The following ARHGAP20 variants were observed in gnomAD, a reference collection of about 807,000 sequenced individuals.
ARHGAP20 encodes the protein rho GTPase-activating protein 20.
In ARHGAP20, 34 loss-of-function variants were observed where a neutral mutation model predicts 73.7. The ratio of observed to expected loss-of-function variants is 0.46; its 90% CI spans 0.35 to 0.61. The LOEUF is 0.61. ARHGAP20 is among the 20% of genes least tolerant of loss of function. The pLI, the probability that ARHGAP20 is intolerant of heterozygous loss-of-function variation, is 0.00. For synonymous variants in ARHGAP20, 523 were observed against 518.2 expected (o/e 1.01, Z -0.13); for missense variants, 1,314 against 1,420.9 (o/e 0.92, Z 1.21).
Position 110,606,702 on chromosome 11 carries a change from C to A in ARHGAP20, c.823G>T (p.Ala275Ser). The change falls in exon 9 of 15, where the codon GCA becomes TCA. Residue 275 changes from alanine (A) to serine (S), a missense_variant. Physicochemically the swap from Ala to Ser is moderately conservative, Grantham distance 99 (BLOSUM62 1). This residue lies in a region of ARHGAP20 where 443 missense variants were observed against 466.4 expected (regional missense o/e 0.95). Transcript: ENST00000683387. ...GIKMSHLRDS[A>S]LLTPGSKDST... ...TCCTTTGATCCCGGTGTCAGGAGTG[C>A]AGAGTCTCGAAGATGGCTCATTTTA... 1 of 1,593,514 alleles carries A rather than the reference C, an allele frequency of 6.3e-7. No homozygotes were observed. Among genetic ancestry groups the A allele is most frequent in the Admixed American group, 1.9e-5 (1 of 53,814 alleles).
rs114007727 is a variant in ARHGAP20, at chr11:110,591,762, G to A, written c.1143+215C>T. Among the ~76,000 whole-genome samples the A allele has an allele frequency of 4.2e-3, 637 of 152,302 alleles. 6 individuals are homozygous for A. The highest frequency in any genetic ancestry group is 0.014 in the African/African-American group (594 of 41,568). ...TTCTGCTTTATCTGAGAAAGCTTAC[G>A]TGGCTCTTTCCTAGGTTATTTCTTC... is the stretch of plus-strand genomic sequence containing the variant. On this transcript the variant is annotated intron_variant, in intron 10 of 14. Transcript: ENST00000683387.
Position 110,648,353 on chromosome 11 carries a change from C to CATAT in ARHGAP20, c.189-17565_189-17562dup, listed in dbSNP as rs59524567. ...ATGTGTATATGTGTGTGTGTGTATACATATATATATGTGGATATATATGTG... is the reference window on the plus strand; with the variant it reads ...ATGTGTATATGTGTGTGTGTGTATACATATATATATATATGTGGATATATATGTG... On this transcript the variant is annotated intron_variant, in intron 2 of 14. Transcript: ENST00000683387. 8.1e-4 allele frequency among the ~76,000 whole-genome samples: 118 copies of CATAT among 146,472 alleles called. 1 individual carries two copies. The highest frequency in any genetic ancestry group is 2.6e-3 in the African/African-American group (103 of 39,834).
At chr11:110,629,864 T>G (rs1299438971) in intron 3 of ARHGAP20, among the ~76,000 whole-genome samples, 5 of 152,204 alleles carry the variant, frequency 3.3e-5, no homozygotes, top group Non-Finnish European at 7.3e-5. Flanking sequence ...AGGGCTCTCG[T>G]GAAGGCTTGT....
chr11:110,628,982 G>C (rs188773045), intron 3 of ARHGAP20, among the ~76,000 whole-genome samples: 2 of 151,886 alleles, frequency 1.3e-5, no homozygotes, highest in African/African-American at 4.8e-5. Flanking sequence ...AATAACCTCA[G>C]GTAAAAAAAC....
chr11:110,677,993 T>A (rs1052318389), intron 2 of ARHGAP20, among the ~76,000 whole-genome samples: 5 of 152,134 alleles, frequency 3.3e-5, no homozygotes, highest in Admixed American at 2.6e-4. Context: ...AATTAATGAA[T>A]GAATAAACAA....
At chr11:110,683,461 T>C (rs1950073959) in intron 2 of ARHGAP20, among the ~76,000 whole-genome samples, 1 of 152,214 alleles carries the variant, frequency 6.6e-6, no homozygotes. Context: ...TGCTAACTTA[T>C]TAAATTCCTC....
At chr11:110,711,202 T>C (rs547032954) in intron 1 of ARHGAP20, among the ~76,000 whole-genome samples, 1 of 152,022 alleles carries the variant, frequency 6.6e-6, no homozygotes, top group African/African-American at 2.4e-5. Context: ...ATCGGAATCC[T>C]CCCGCAGCAC....
chr11:110,654,250 A>G (rs991553178), intron 2 of ARHGAP20, among the ~76,000 whole-genome samples: 1 of 152,200 alleles, frequency 6.6e-6, no homozygotes, highest in Non-Finnish European at 1.5e-5. Context: ...TATTTGCTGA[A>G]CTGAAGTCCA....
intron 2 of ARHGAP20, among the ~76,000 whole-genome samples, chr11:110,679,966 T>C (rs1950007596): frequency 6.6e-6 from 1 of 152,186 alleles, no homozygotes; most frequent in Non-Finnish European, 1.5e-5. Flanking sequence ...CAGGTAGCAG[T>C]AGACTCTTAC....
intron 2 of ARHGAP20, among the ~76,000 whole-genome samples, chr11:110,681,211 CAT>C (rs1950030784): frequency 6.6e-6 from 1 of 152,148 alleles, no homozygotes; most frequent in Non-Finnish European, 1.5e-5. Context: ...TCTAAAATAA[CAT>C]GTCAGTATAG....
intron 6 of ARHGAP20, among the ~76,000 whole-genome samples, chr11:110,612,300 G>A (rs1948385177): frequency 6.6e-6 from 1 of 151,350 alleles, no homozygotes. Context: ...TAGTGGTGGG[G>A]GCCTGTAGTC....
intron 2 of ARHGAP20, among the ~76,000 whole-genome samples, chr11:110,678,703 C>T (rs1949980631): frequency 6.6e-6 from 1 of 152,128 alleles, no homozygotes; most frequent in South Asian, 2.1e-4. Flanking sequence ...ATTCTGTTGT[C>T]CAGGCTGGAG....
intron 2 of ARHGAP20, among the ~76,000 whole-genome samples, chr11:110,679,347 G>A (rs1949993429): frequency 6.6e-6 from 1 of 152,160 alleles, no homozygotes. Context: ...CAGTGTAGCA[G>A]GGATTAGACA....
intron 1 of ARHGAP20, among the ~76,000 whole-genome samples, chr11:110,696,140 T>G (rs1441446514): frequency 6.6e-6 from 1 of 151,624 alleles, no homozygotes; most frequent in African/African-American, 2.4e-5. Flanking sequence ...CTTAAAGGTT[T>G]GTGCTTGCCT....
At chr11:110,699,353 T>C (rs1052986466) in intron 1 of ARHGAP20, among the ~76,000 whole-genome samples, 2 of 151,986 alleles carry the variant, frequency 1.3e-5, no homozygotes, top group African/African-American at 4.8e-5. Flanking sequence ...GAATGCTCCA[T>C]GCAGAGTGAC....
intron 3 of ARHGAP20, among the ~76,000 whole-genome samples, chr11:110,626,006 T>C (rs1948736362): frequency 6.6e-6 from 1 of 152,180 alleles, no homozygotes; most frequent in African/African-American, 2.4e-5. Context: ...TCATTTATGA[T>C]TCCCACAGAA....
intron 1 of ARHGAP20, among the ~76,000 whole-genome samples, chr11:110,699,797 C>T (rs373726431): frequency 2.8e-4 from 42 of 152,000 alleles, no homozygotes; most frequent in African/African-American, 9.4e-4. Context: ...CACCATTCCT[C>T]CCCTATTCCT....
Position 110,712,201 on chromosome 11 carries a change from G to T in ARHGAP20, c.31C>A (p.Leu11Ile). ...GAGGAGCGCCCCGGCTGTCCCCCTAGAGTCTCCTGCTGGGGGGACATCGCT... is the reference window on the plus strand; with the variant it reads ...GAGGAGCGCCCCGGCTGTCCCCCTATAGTCTCCTGCTGGGGGGACATCGCT... MEAMSPQQET[L>I]GGQPGRSSSL... Residue 11 changes from leucine (L) to isoleucine (I), a missense_variant, in exon 1 of 15, where the codon CTA becomes ATA. By Grantham distance (5) the Leu-to-Ile change is conservative. Transcript: ENST00000683387. 3 of 1,369,504 alleles carry T rather than the reference G, an allele frequency of 2.2e-6. No homozygotes were observed. The highest frequency in any genetic ancestry group is 2.8e-6 in the Non-Finnish European group (3 of 1,055,368). The allele number at this position is 1,369,504 out of a possible 1,614,324, so 84.8% of individuals were successfully genotyped here. A position where few individuals can be genotyped will look rare whatever the true frequency, so the allele number is the denominator to read the frequency against.
At chr11:110,706,410 TA>T (rs1950553790) in intron 1 of ARHGAP20, among the ~76,000 whole-genome samples, 3 of 152,200 alleles carry the variant, frequency 2.0e-5, no homozygotes, top group African/African-American at 7.2e-5. Context: ...AAGAGGTTTT[TA>T]AATTTTCTTT....
Sources: gnomAD v4.1 joint callset for allele counts (sites outside exome capture counted in the v4.1 genomes callset) on GRCh38, gnomAD v4.1.1 for gene constraint, gnomAD v4.1.1 regional missense constraint, MANE v1.5 for transcripts, NCBI Gene and HGNC (gene_info 2026-07-23, HGNC 2026-07-21) for gene names.